The following ERCC6L2 variants were observed in gnomAD, a reference collection of about 807,000 sequenced individuals.
ERCC6L2 encodes the protein ERCC excision repair 6 like 2.
ERCC6L2 carries 77 observed loss-of-function variants against 132.0 expected under a neutral mutation model. The ratio of observed to expected loss-of-function variants is 0.58; its 90% CI spans 0.49 to 0.71. ERCC6L2 has a LOEUF of 0.71. Ranked by LOEUF, ERCC6L2 falls within the 30% of genes least tolerant of loss-of-function variation. The probability of loss-of-function intolerance (pLI) is 0.00; values close to 1 mark genes in which losing one functional copy is unlikely to be tolerated. For missense variants in ERCC6L2, 1,542 were observed against 1,837.6 expected, an observed-to-expected ratio of 0.84 and a Z score of 2.94; for synonymous variants, 583 against 632.4, an observed-to-expected ratio of 0.92 and a Z score of 1.17.
intron 4 of ERCC6L2, 119 bp downstream of exon 4, chr9:95,907,390 A>C: frequency 1.2e-6 from 1 of 847,378 alleles, no homozygotes; most frequent in Non-Finnish European, 1.7e-6. Flanking sequence ...TTTTTAGTAA[A>C]GACGGAGTTT....
intron 17 of ERCC6L2, among the ~76,000 whole-genome samples, 176 bp downstream of exon 17, chr9:95,978,391 G>C (rs1266994826): frequency 1.3e-5 from 2 of 152,152 alleles, no homozygotes; most frequent in Non-Finnish European, 2.9e-5. Context: ...AGACGTTTTA[G>C]ATTAAACAAC....
chr9:95,945,698 T>C (rs1474071148), intron 12 of ERCC6L2, among the ~76,000 whole-genome samples: 2 of 152,214 alleles, frequency 1.3e-5, no homozygotes, highest in African/African-American at 4.8e-5. Context: ...AGCCAGTCCC[T>C]CCGTTCAGGG....
At chr9:95,876,296 C>T (rs1451575706) in intron 1 of ERCC6L2, 8 of 493,328 alleles carry the variant, frequency 1.6e-5, no homozygotes, top group Middle Eastern at 6.1e-4. Flanking sequence ...TCTAGTGCTG[C>T]CTCTGACAGT....
intron 17 of ERCC6L2, among the ~76,000 whole-genome samples, chr9:95,988,396 T>A (rs1440501831): frequency 6.6e-6 from 1 of 152,216 alleles, no homozygotes; most frequent in Non-Finnish European, 1.5e-5. Flanking sequence ...GAGACGTCAG[T>A]CATCTTGTTA....
chr9:95,906,357 G>A (rs1476126520), intron 3 of ERCC6L2, among the ~76,000 whole-genome samples: 3 of 152,122 alleles, frequency 2.0e-5, no homozygotes, highest in African/African-American at 7.2e-5. Context: ...AAATGGAAAA[G>A]TTAATCAGGT....
chr9:95,965,287 A>G (rs1040187091), intron 13 of ERCC6L2, among the ~76,000 whole-genome samples: 1 of 152,214 alleles, frequency 6.6e-6, no homozygotes, highest in Non-Finnish European at 1.5e-5. Context: ...TAATTTCTCT[A>G]AACTTGAGTT....
Position 95,895,180 on chromosome 9 carries a change from T to C in ERCC6L2, c.472-2669T>C, listed in dbSNP as rs545360147. On this transcript the variant is annotated intron_variant, in intron 2 of 18. Transcript: ENST00000653738. The stretch of plus-strand genomic sequence containing the variant: ...ACTAATTTTATTATCAATATTAAGT[T>C]AAAGTGTGCCTCTTTAATTTCATAA... 1.4e-3 allele frequency among the ~76,000 whole-genome samples: 214 copies of C among 152,308 alleles called. 1 individual carries two copies. The highest frequency in any genetic ancestry group is 4.9e-3 in the African/African-American group (205 of 41,586).
intron 12 of ERCC6L2, among the ~76,000 whole-genome samples, chr9:95,952,271 C>A (rs574727107): frequency 2.2e-4 from 33 of 151,088 alleles, no homozygotes; most frequent in African/African-American, 7.0e-4. Flanking sequence ...GCCAGCATTA[C>A]CCCAATACCA....
rs370932051 is a variant in ERCC6L2, at chr9:96,012,273, C to G, written c.3723C>G (p.Asn1241Lys). 2.3e-6 allele frequency: 3 copies of G among 1,306,288 alleles called. No homozygotes were observed. The highest frequency in any genetic ancestry group is 4.5e-5 in the Admixed American group (2 of 44,332). The allele number at this position is 1,306,288 out of a possible 1,614,324, so 80.9% of individuals were successfully genotyped here. A position where few individuals can be genotyped will look rare whatever the true frequency, so the allele number is the denominator to read the frequency against. Residue 1241 changes from asparagine (N) to lysine (K), a missense_variant, in exon 19 of 19, where the codon AAC becomes AAG. By Grantham distance (94) the Asn-to-Lys change is moderately conservative. This residue lies in a region of ERCC6L2 where 442 missense variants were observed against 583.4 expected (regional missense o/e 0.76). Coordinates refer to ENST00000653738, the MANE Select transcript of ERCC6L2 (RefSeq NM_020207.7). ...CTTATTTTAACTCGTCTTCTGTAAA[C>G]GAATTTGCTAAACATATAACCAATG... ...MASYFNSSSV[N>K]EFAKHITNAT... is the part of the protein sequence containing the mutation.
At chr9:95,894,681 A>G (rs112348346) in intron 2 of ERCC6L2, among the ~76,000 whole-genome samples, 2,054 of 130,118 alleles carry the variant, frequency 0.016, 43 homozygotes, top group African/African-American at 0.058. Context: ...CGCAACCTCC[A>G]CCTCCTGGGT....
chr9:95,957,351 T>C lies in ERCC6L2; in HGVS notation c.1947+1338T>C, dbSNP rs1010986560. Among the ~76,000 whole-genome samples, 2 of 152,098 alleles carry C rather than the reference T, an allele frequency of 1.3e-5. 1 individual carries two copies. The highest frequency in any genetic ancestry group is 4.1e-4 in the South Asian group (2 of 4,836). On this transcript the variant is annotated intron_variant, in intron 13 of 18. Transcript: ENST00000653738. ...TATTTTCTTCATTCTAAAAATAGAA[T>C]TGTACACAGCAGTTTTTGTTTTGTC...
chr9:95,984,160 T>C (rs1461824654), intron 17 of ERCC6L2, among the ~76,000 whole-genome samples: 1 of 149,882 alleles, frequency 6.7e-6, no homozygotes. Context: ...TATATACATA[T>C]AATGTATATA....
chr9:95,890,869 A>G (rs1276114880), intron 2 of ERCC6L2, among the ~76,000 whole-genome samples: 2 of 152,076 alleles, frequency 1.3e-5, no homozygotes, highest in Non-Finnish European at 2.9e-5. Context: ...GGATTTCACC[A>G]TGCTGCCCAG....
At chr9:95,989,359 T>TG (rs1167807389) in intron 17 of ERCC6L2, among the ~76,000 whole-genome samples, 1 of 152,196 alleles carries the variant, frequency 6.6e-6, no homozygotes, top group Non-Finnish European at 1.5e-5. Flanking sequence ...CCTAGGGGGC[T>TG]GCCAGCCACC....
chr9:96,024,022 G>A (rs1489983698), intron 19 of ERCC6L2, among the ~76,000 whole-genome samples: 3 of 152,172 alleles, frequency 2.0e-5, no homozygotes, highest in Non-Finnish European at 4.4e-5. Flanking sequence ...TTATCTGCTG[G>A]AGACTGTTTA....
intron 17 of ERCC6L2, among the ~76,000 whole-genome samples, chr9:95,993,180 A>G (rs1336413322): frequency 2.0e-5 from 3 of 152,156 alleles, no homozygotes; most frequent in African/African-American, 7.2e-5. Context: ...TATCCCCAAG[A>G]TGATCCTCAG....
At chr9:95,936,684 A>G (rs1010615067) in intron 11 of ERCC6L2, among the ~76,000 whole-genome samples, 4 of 152,204 alleles carry the variant, frequency 2.6e-5, no homozygotes, top group African/African-American at 9.6e-5. Context: ...CATTATCACA[A>G]CCAGGATACT....
intron 17 of ERCC6L2, among the ~76,000 whole-genome samples, chr9:96,001,052 AGT>A (rs1408267473): frequency 6.6e-6 from 1 of 150,662 alleles, no homozygotes; most frequent in Non-Finnish European, 1.5e-5. Flanking sequence ...CTTCGCGGTG[AGT>A]GTTACAGCTC....
intron 4 of ERCC6L2, among the ~76,000 whole-genome samples, 181 bp downstream of exon 4, chr9:95,907,452 A>G (rs1044476870): frequency 1.4e-5 from 2 of 148,136 alleles, no homozygotes; most frequent in African/African-American, 5.0e-5. Flanking sequence ...CAATCCACCC[A>G]CCTCAGCCTT....
Sources: gnomAD v4.1 joint callset for allele counts (sites outside exome capture counted in the v4.1 genomes callset) on GRCh38, gnomAD v4.1.1 for gene constraint, gnomAD v4.1.1 regional missense constraint, MANE v1.5 for transcripts, NCBI Gene and HGNC (gene_info 2026-07-23, HGNC 2026-07-21) for gene names.